Variants in PDE8A observed in about 807,000 individuals in gnomAD.
PDE8A encodes the protein phosphodiesterase 8A.
In PDE8A, 59 loss-of-function variants were observed where a neutral mutation model predicts 105.0. The observed-to-expected ratio is 0.56, with a 90% CI of 0.46 to 0.70. The LOEUF (loss-of-function observed/expected upper bound fraction) is 0.70, where lower values mean the gene tolerates loss of function less well. Among genes scored for constraint, PDE8A ranks in the 30% least tolerant of loss-of-function variants. The pLI is 0.00. For missense variants in PDE8A, 1,014 were observed against 1,045.9 expected, an observed-to-expected ratio of 0.97 and a Z score of 0.42; for synonymous variants, 355 against 371.9, an observed-to-expected ratio of 0.95 and a Z score of 0.52.
intron 16 of PDE8A, among the ~76,000 whole-genome samples, chr15:85,117,335 A>G (rs1405605683): frequency 1.3e-5 from 2 of 152,190 alleles, no homozygotes; most frequent in African/African-American, 4.8e-5. Context: ...CCACTAGTGC[A>G]AGTAGGAAGC....
chr15:85,007,292 A>G (rs1046702446), intron 1 of PDE8A, among the ~76,000 whole-genome samples: 3 of 151,904 alleles, frequency 2.0e-5, no homozygotes, highest in African/African-American at 7.3e-5. Context: ...ACGATTCAGC[A>G]TGGGTGGTGG....
At position 85,113,901 on chromosome 15, in the gene PDE8A, A is replaced by G. The variant is rs754401076; in HGVS notation, c.1214A>G (p.Glu405Gly). 1.2e-5 allele frequency: 19 copies of G among 1,613,210 alleles called. No individual in the cohort carries two copies. In the South Asian group the frequency reaches 2.0e-4, roughly 17 times the overall value. Residue 405 changes from glutamate (E) to glycine (G), a missense_variant, in exon 14 of 22, where the codon GAA becomes GGA. By Grantham distance (98) the Glu-to-Gly change is moderately conservative (BLOSUM62 -2). Coordinates refer to ENST00000394553, the MANE Select transcript of PDE8A (RefSeq NM_002605.3). The stretch of plus-strand genomic sequence containing the variant: ...ATCAATATTATCAATGCTGCCCAGG[A>G]AAGTAGTCCCATGCCTGTGACAGAA... ...KVINIINAAQ[E>G]SSPMPVTEAL...
intron 1 of PDE8A, among the ~76,000 whole-genome samples, chr15:85,048,012 A>C (rs2080914031): frequency 6.6e-6 from 1 of 152,194 alleles, no homozygotes; most frequent in Non-Finnish European, 1.5e-5. Flanking sequence ...TGTGACAAAA[A>C]GGTTTTAGAC....
chr15:84,985,066 CT>C (rs1326622247), intron 1 of PDE8A, among the ~76,000 whole-genome samples: 5 of 152,196 alleles, frequency 3.3e-5, no homozygotes, highest in Admixed American at 6.5e-5. Flanking sequence ...ATCTGTGAGT[CT>C]CCAAGTGGTT....
intron 8 of PDE8A, among the ~76,000 whole-genome samples, chr15:85,095,173 C>G (rs1031098149): frequency 1.1e-4 from 16 of 152,072 alleles, no homozygotes; most frequent in African/African-American, 3.9e-4. Context: ...CTGAGGGGAG[C>G]TTGGCCTGGA....
chr15:85,021,025 G>T (rs1410702893), intron 1 of PDE8A, among the ~76,000 whole-genome samples: 1 of 152,144 alleles, frequency 6.6e-6, no homozygotes, highest in Non-Finnish European at 1.5e-5. Flanking sequence ...AATCACTAAT[G>T]CAATGGTATT....
intron 20 of PDE8A, among the ~76,000 whole-genome samples, chr15:85,135,836 C>A (rs1596553827): frequency 6.6e-6 from 1 of 152,012 alleles, no homozygotes; most frequent in African/African-American, 2.4e-5. Flanking sequence ...AAGAGTTTGA[C>A]TAAAGTACAT....
In PDE8A at chr15:85,138,653, A is replaced by C. The variant is rs1416487709; in HGVS notation, c.*750A>C. The C allele has an allele frequency of 6.6e-6, 1 of 152,434 alleles. No individual in the cohort carries two copies. Among genetic ancestry groups the C allele is most frequent in the Non-Finnish European group, 1.5e-5 (1 of 68,042 alleles). The allele number at this position is 152,434 out of a possible 1,614,324, so 9.4% of individuals were successfully genotyped here. ...TGTTAAACTTTTCTGATTGAGGCTA[A>C]CTGGAAAAAGCTGGGGTCGTATTCT... is the stretch of plus-strand genomic sequence containing the variant. On this transcript the variant is annotated 3_prime_UTR_variant, in exon 22 of 22. Coordinates refer to ENST00000394553, the MANE Select transcript of PDE8A (RefSeq NM_002605.3).
intron 1 of PDE8A, among the ~76,000 whole-genome samples, chr15:85,002,337 A>G (rs1320347914): frequency 6.6e-6 from 1 of 152,180 alleles, no homozygotes; most frequent in East Asian, 1.9e-4. Context: ...TTACCAGTTT[A>G]TTAGGAAGGA....
At chr15:85,008,656 G>C (rs183865344) in intron 1 of PDE8A, among the ~76,000 whole-genome samples, 10 of 151,978 alleles carry the variant, frequency 6.6e-5, no homozygotes, top group African/African-American at 1.7e-4. Context: ...CTTTGCATTC[G>C]GCCAAACCCT....
intron 1 of PDE8A, among the ~76,000 whole-genome samples, chr15:84,993,400 G>A (rs757864417): frequency 1.5e-5 from 2 of 130,374 alleles, no homozygotes; most frequent in South Asian, 2.3e-4. Flanking sequence ...CCGAAATCGC[G>A]CCACTGCAGT....
intron 8 of PDE8A, among the ~76,000 whole-genome samples, chr15:85,093,967 T>C (rs2081696190): frequency 6.6e-6 from 1 of 152,110 alleles, no homozygotes; most frequent in Non-Finnish European, 1.5e-5. Flanking sequence ...TCAAGCGATT[T>C]TCCCACTTCA....
intron 21 of PDE8A, 145 bp from the exon 22 acceptor site, chr15:85,137,652 A>C (rs571689727): frequency 1.7e-6 from 1 of 598,084 alleles, no homozygotes; most frequent in East Asian, 2.8e-5. Context: ...CGGCTCGTTG[A>C]AGCTGCTGGG....
intron 1 of PDE8A, among the ~76,000 whole-genome samples, chr15:85,004,847 C>CTTT (rs35818984): frequency 1.0e-3 from 145 of 140,438 alleles, no homozygotes; most frequent in African/African-American, 2.8e-3. Context: ...TTTTAATATT[C>CTTT]TTTTTTTTTT....
At chr15:85,016,293 C>T (rs1186844643) in intron 1 of PDE8A, among the ~76,000 whole-genome samples, 1 of 152,046 alleles carries the variant, frequency 6.6e-6, no homozygotes, top group Non-Finnish European at 1.5e-5. Context: ...AATATTTACC[C>T]ATGTACTCAA....
At chr15:85,068,024 T>C (rs1449495031) in intron 3 of PDE8A, among the ~76,000 whole-genome samples, 1 of 152,012 alleles carries the variant, frequency 6.6e-6, no homozygotes, top group Non-Finnish European at 1.5e-5. Context: ...CAATAAGCCA[T>C]CATCATTGTA....
At chr15:84,981,709 C>G (rs973640837), upstream of PDE8A, among the ~76,000 whole-genome samples, 81 of 150,868 alleles carry the variant, frequency 5.4e-4, no homozygotes, top group Non-Finnish European at 1.5e-4. Context: ...GCGGCGGCGG[C>G]GGGAGCGGGG....
intron 1 of PDE8A, among the ~76,000 whole-genome samples, chr15:85,019,292 A>G (rs1489543788): frequency 6.6e-6 from 1 of 152,260 alleles, no homozygotes; most frequent in South Asian, 2.1e-4. Context: ...ACATAGATGT[A>G]TTTAGGGGTG....
intron 1 of PDE8A, among the ~76,000 whole-genome samples, chr15:85,014,943 AC>A (rs2080300026): frequency 6.6e-6 from 1 of 151,552 alleles, no homozygotes; most frequent in Admixed American, 6.6e-5. Flanking sequence ...TACCCGCTAC[AC>A]CCCCAGCCTC....
Sources: gnomAD v4.1 joint callset for allele counts (sites outside exome capture counted in the v4.1 genomes callset) on GRCh38, gnomAD v4.1.1 for gene constraint, MANE v1.5 for transcripts, NCBI Gene and HGNC (gene_info 2026-07-23, HGNC 2026-07-21) for gene names.